The following MSRB3 variants were observed in gnomAD, a reference collection of about 807,000 sequenced individuals.
The protein encoded by MSRB3 is methionine-R-sulfoxide reductase B3.
Under a neutral mutation model 21.0 loss-of-function variants are expected in MSRB3, and 13 were observed. That is an observed-to-expected ratio of 0.62 (90% CI 0.40 to 0.98). MSRB3 has a LOEUF of 0.98. Ranked by LOEUF, MSRB3 falls within the 50% of genes least tolerant of loss-of-function variation. The pLI is 0.00. For synonymous variants in MSRB3, 87 were observed against 88.6 expected (o/e 0.98, Z 0.10); for missense variants, 199 against 230.3 (o/e 0.86, Z 0.88).
intron 1 of MSRB3, chr12:65,284,068 A>G (rs1449292104): frequency 1.3e-5 from 2 of 152,244 alleles, no homozygotes; most frequent in African/African-American, 2.4e-5. Flanking sequence ...GATAGAGAGG[A>G]CAGGTGTAGA....
intron 5 of MSRB3, among the ~76,000 whole-genome samples, chr12:65,412,296 C>T (rs372784306): frequency 1.6e-4 from 24 of 152,190 alleles, no homozygotes; most frequent in African/African-American, 4.1e-4. Context: ...TGCAGTGTTA[C>T]GTATATTCCC....
At chr12:65,417,933 T>C (rs1478370513) in intron 5 of MSRB3, among the ~76,000 whole-genome samples, 1 of 152,248 alleles carries the variant, frequency 6.6e-6, no homozygotes, top group African/African-American at 2.4e-5. Flanking sequence ...TGAATAATGC[T>C]GCAATAAACA....
At chr12:65,391,406 C>T (rs1879475081) in intron 5 of MSRB3, among the ~76,000 whole-genome samples, 1 of 152,190 alleles carries the variant, frequency 6.6e-6, no homozygotes, top group Admixed American at 6.5e-5. Flanking sequence ...GAGTATTTCT[C>T]TTCAGAGGCA....
At chr12:65,400,724 T>C (rs1376175992) in intron 5 of MSRB3, among the ~76,000 whole-genome samples, 2 of 152,218 alleles carry the variant, frequency 1.3e-5, no homozygotes, top group Non-Finnish European at 2.9e-5. Context: ...TTTAGATCTT[T>C]CCTGCTTTCT....
At chr12:65,420,040 AG>A in intron 5 of MSRB3, 1 of 542,408 alleles carries the variant, frequency 1.8e-6, no homozygotes, top group Non-Finnish European at 3.7e-6. Context: ...TGGGGAAGAG[AG>A]CGGGAAGAGA....
intron 5 of MSRB3, among the ~76,000 whole-genome samples, chr12:65,414,432 T>C (rs1390085067): frequency 6.6e-6 from 1 of 152,110 alleles, no homozygotes; most frequent in Non-Finnish European, 1.5e-5. Flanking sequence ...AATATCATAT[T>C]TTTGCTTTAC....
chr12:65,308,698 A>T (rs1359865949), intron 2 of MSRB3, 43 bp downstream of exon 2: 1 of 1,613,504 alleles, frequency 6.2e-7, no homozygotes, highest in Non-Finnish European at 8.5e-7. Context: ...CACAGGGCCA[A>T]CTGGGTGTTT....
chr12:65,325,898 A>G (rs143234153), intron 2 of MSRB3, among the ~76,000 whole-genome samples: 121 of 152,326 alleles, frequency 7.9e-4, no homozygotes, highest in Non-Finnish European at 1.4e-3. Flanking sequence ...AAAATACTAC[A>G]TATAAACAGG....
At chr12:65,420,256 T>TG (rs1245119827) in intron 5 of MSRB3, among the ~76,000 whole-genome samples, 3 of 152,168 alleles carry the variant, frequency 2.0e-5, no homozygotes, top group Non-Finnish European at 4.4e-5. Flanking sequence ...TATGTGTGTG[T>TG]TTTTATGCCA....
intron 5 of MSRB3, among the ~76,000 whole-genome samples, chr12:65,417,357 A>G (rs1005262484): frequency 2.0e-5 from 3 of 152,170 alleles, no homozygotes; most frequent in African/African-American, 7.2e-5. Context: ...TTATTTTGTT[A>G]ATTTCCTTTT....
At chr12:65,370,232 C>T (rs892309496) in intron 5 of MSRB3, among the ~76,000 whole-genome samples, 1 of 152,090 alleles carries the variant, frequency 6.6e-6, no homozygotes, top group African/African-American at 2.4e-5. Context: ...TGTTTGACTC[C>T]TTGATTCACA....
intron 2 of MSRB3, among the ~76,000 whole-genome samples, chr12:65,325,105 T>G (rs888452811): frequency 6.6e-5 from 10 of 152,232 alleles, no homozygotes; most frequent in Non-Finnish European, 1.0e-4. Context: ...AAGTCTGTAC[T>G]GAATTAAGCA....
intron 5 of MSRB3, among the ~76,000 whole-genome samples, chr12:65,449,476 T>A (rs890849013): frequency 3.3e-5 from 5 of 152,086 alleles, no homozygotes; most frequent in Admixed American, 1.3e-4. Flanking sequence ...AATATGGCCT[T>A]GGAATTAGAG....
chr12:65,370,465 G>C (rs1256986363), intron 5 of MSRB3, among the ~76,000 whole-genome samples: 3 of 152,104 alleles, frequency 2.0e-5, no homozygotes, highest in African/African-American at 7.2e-5. Flanking sequence ...TTAGGGTACA[G>C]GGTCTGGAAT....
intron 4 of MSRB3, among the ~76,000 whole-genome samples, chr12:65,357,742 C>T (rs1181022949): frequency 2.6e-5 from 4 of 151,714 alleles, no homozygotes; most frequent in East Asian, 3.9e-4. Context: ...GCTCCTCTGC[C>T]GGAATTTGTC....
intron 5 of MSRB3, among the ~76,000 whole-genome samples, chr12:65,395,848 A>G (rs1476613277): frequency 1.3e-5 from 2 of 152,138 alleles, no homozygotes; most frequent in African/African-American, 4.8e-5. Flanking sequence ...ATCAATAGTG[A>G]TGACCTCTTT....
intron 5 of MSRB3, among the ~76,000 whole-genome samples, chr12:65,399,896 G>A (rs1185430815): frequency 2.0e-5 from 3 of 152,156 alleles, no homozygotes; most frequent in Admixed American, 2.0e-4. Flanking sequence ...CTATGTGATG[G>A]ATTATGTTTA....
At chr12:65,423,056 G>C (rs951863063) in intron 5 of MSRB3, among the ~76,000 whole-genome samples, 1 of 148,796 alleles carries the variant, frequency 6.7e-6, no homozygotes, top group African/African-American at 2.5e-5. Context: ...TCTGCCACCT[G>C]GGTTCAAGTG....
At chr12:65,457,602 T>C (rs1314012424) in intron 6 of MSRB3, among the ~76,000 whole-genome samples, 1 of 152,116 alleles carries the variant, frequency 6.6e-6, no homozygotes, top group African/African-American at 2.4e-5. Flanking sequence ...ACAAATGGAA[T>C]CTAATTAAAC....
Sources: gnomAD v4.1 joint callset for allele counts (sites outside exome capture counted in the v4.1 genomes callset) on GRCh38, gnomAD v4.1.1 for gene constraint, MANE v1.5 for transcripts, NCBI Gene and HGNC (gene_info 2026-07-23, HGNC 2026-07-21) for gene names.